CBX3: variants seen among roughly 807,000 people sequenced by gnomAD.
CBX3 encodes chromobox 3.
Under a neutral mutation model 22.6 loss-of-function variants are expected in CBX3, and 5 were observed. The observed-to-expected ratio is 0.22, with a 90% CI of 0.12 to 0.47. CBX3 has a LOEUF of 0.47. CBX3 is among the 20% of genes least tolerant of loss of function. The probability of loss-of-function intolerance (pLI) is 0.99; values close to 1 mark genes in which losing one functional copy is unlikely to be tolerated. For synonymous variants in CBX3, 50 were observed against 66.6 expected (o/e 0.75, Z 1.21); for missense variants, 83 against 208.1 (o/e 0.40, Z 3.70).
chr7:26,204,783 G>A (rs560476367), intron 2 of CBX3, among the ~76,000 whole-genome samples: 3 of 151,770 alleles, frequency 2.0e-5, no homozygotes, highest in Non-Finnish European at 4.4e-5. Context: ...ATAGTATTTG[G>A]GTTTTTTGTT....
In CBX3 at chr7:26,202,896, A is replaced by G. The variant is rs1373479464; in HGVS notation, c.-28-75A>G. ...GTGCGCTCTCTACTTGGGGGTTGGAATCCAAACAGAATTTGTATTTAGTTA... is the reference window on the plus strand; with the variant it reads ...GTGCGCTCTCTACTTGGGGGTTGGAGTCCAAACAGAATTTGTATTTAGTTA... On this transcript the variant is annotated intron_variant, in intron 1 of 5. Coordinates refer to ENST00000396386, the MANE Select transcript of CBX3 (RefSeq NM_016587.4). 3 of 915,570 alleles carry G rather than the reference A, an allele frequency of 3.3e-6. No individual in the cohort carries two copies. The African/African-American group carries it at 5.0e-5, about 15-fold the overall frequency. The allele number at this position is 915,570 out of a possible 1,614,324, so 56.7% of individuals were successfully genotyped here. A position where few individuals can be genotyped will look rare whatever the true frequency, so the allele number is the denominator to read the frequency against.
chr7:26,208,630 GT>G lies in CBX3; in HGVS notation c.330+82del, dbSNP rs532647271. 3.3e-4 allele frequency: 462 copies of G among 1,400,110 alleles called. 1 individual carries two copies. The African/African-American group carries it at 5.8e-3, about 18-fold the overall frequency. 86.7% of individuals were successfully genotyped at this position (1,400,110 alleles called of 1,614,324 possible). A position where few individuals can be genotyped will look rare whatever the true frequency, so the allele number is the denominator to read the frequency against. On this transcript the variant is annotated intron_variant, in intron 4 of 5. Coordinates refer to ENST00000396386, the MANE Select transcript of CBX3 (RefSeq NM_016587.4). The stretch of plus-strand genomic sequence containing the variant: ...GGCTTGATTTCTTTTTTGTTTGTTT[GT>G]TTTTTTGAGATGGAGTCTTGCTCTT...
chr7:26,207,867 C>T (rs946415958), intron 3 of CBX3, among the ~76,000 whole-genome samples: 28 of 151,776 alleles, frequency 1.8e-4, no homozygotes, highest in African/African-American at 6.0e-4. Context: ...CTTTTATTGT[C>T]CTCTACCCAG....
In CBX3 at chr7:26,203,153, G is replaced by A. The variant is rs1029276007; in HGVS notation, c.24+131G>A. ...CCCAGCTCTCCCAGTGTAAATTACA[G>A]GGGAAAATTAAGAGAAAAACGAATT... On this transcript the variant is annotated intron_variant, in intron 2 of 5. Coordinates refer to ENST00000396386, the MANE Select transcript of CBX3 (RefSeq NM_016587.4). 33 of 703,722 alleles carry A rather than the reference G, an allele frequency of 4.7e-5. No individual in the cohort carries two copies. The African/African-American group carries it at 5.4e-4, about 12-fold the overall frequency. The allele number at this position is 703,722 out of a possible 1,614,324, so 43.6% of individuals were successfully genotyped here. A position where few individuals can be genotyped will look rare whatever the true frequency, so the allele number is the denominator to read the frequency against.
chr7:26,206,261 A>G, intron 2 of CBX3, 107 bp from the exon 3 acceptor site: 1 of 688,768 alleles, frequency 1.5e-6, no homozygotes, highest in Non-Finnish European at 2.4e-6. Flanking sequence ...GGGATATAGA[A>G]GTAAAAATTT....
intron 4 of CBX3, among the ~76,000 whole-genome samples, chr7:26,211,100 C>G (rs981245243): frequency 1.4e-5 from 2 of 145,670 alleles, no homozygotes; most frequent in African/African-American, 2.6e-5. Context: ...AAAAAAAAAT[C>G]GCAAGAAAGT....
intron 2 of CBX3, 171 bp from the exon 3 acceptor site, chr7:26,206,197 T>G: frequency 1.8e-6 from 1 of 555,824 alleles, no homozygotes; most frequent in Non-Finnish European, 3.2e-6. Flanking sequence ...AGATAAAGCA[T>G]TCTTTTATTT....
At chr7:26,206,195 C>T (rs1032424387) in intron 2 of CBX3, 173 bp from the exon 3 acceptor site, 15 of 550,710 alleles carry the variant, frequency 2.7e-5, no homozygotes, top group African/African-American at 5.7e-5. Context: ...CAAGATAAAG[C>T]ATTCTTTTAT....
chr7:26,204,476 A>G (rs1784630412), intron 2 of CBX3, among the ~76,000 whole-genome samples: 1 of 152,228 alleles, frequency 6.6e-6, no homozygotes, highest in African/African-American at 2.4e-5. Context: ...ACTAATGAGA[A>G]TCATAACACC....
intron 5 of CBX3, 84 bp downstream of exon 5, chr7:26,211,840 G>A (rs1234956928): frequency 1.9e-6 from 2 of 1,047,390 alleles, no homozygotes; most frequent in South Asian, 1.6e-5. Flanking sequence ...TCATTAGGTA[G>A]GGAAAAACTA....
intron 2 of CBX3, among the ~76,000 whole-genome samples, chr7:26,203,281 T>C (rs528559019): frequency 9.2e-5 from 14 of 152,324 alleles, no homozygotes; most frequent in Non-Finnish European, 2.1e-4. Flanking sequence ...AGGATTTTTA[T>C]CTTCAAATAG....
intron 4 of CBX3, among the ~76,000 whole-genome samples, chr7:26,211,018 T>C (rs779470445): frequency 6.7e-6 from 1 of 149,846 alleles, no homozygotes; most frequent in African/African-American, 2.5e-5. Flanking sequence ...TGGGCCACAT[T>C]AGGAGAATTG....
chr7:26,207,241 A>G (rs116947159), intron 3 of CBX3, among the ~76,000 whole-genome samples: 1,566 of 152,232 alleles, frequency 0.01, 15 homozygotes, highest in Non-Finnish European at 0.013. Flanking sequence ...GTTATCTCCT[A>G]CTTCCCCTGC....
intron 3 of CBX3, 130 bp from the exon 4 acceptor site, chr7:26,208,263 G>A (rs1001442328): frequency 3.3e-5 from 21 of 632,358 alleles, no homozygotes; most frequent in Non-Finnish European, 5.1e-5. Context: ...TAGGGAAGGA[G>A]GAAATGATTA....
At chr7:26,208,366 T>C (rs753307021) in intron 3 of CBX3, 27 bp from the exon 4 acceptor site, 1 of 1,384,450 alleles carries the variant, frequency 7.2e-7, no homozygotes, top group Admixed American at 2.3e-5. Context: ...TCAATCACCT[T>C]TTTTTTTTTT....
Position 26,213,017 on chromosome 7 carries a change from A to C in CBX3, c.*809A>C, listed in dbSNP as rs1207082962. 6.6e-6 allele frequency: 1 copy of C among 152,298 alleles called. No individual in the cohort carries two copies. Among genetic ancestry groups the C allele is most frequent in the Non-Finnish European group, 1.5e-5 (1 of 68,054 alleles). The allele number at this position is 152,298 out of a possible 1,614,324, so 9.4% of individuals were successfully genotyped here. On this transcript the variant is annotated 3_prime_UTR_variant, in exon 6 of 6. Transcript: ENST00000396386. Reference sequence around the variant, plus strand: ...GGGCCATTCCTTAGCAAAATGTTGGAATCCCTGTTGCTACATTGACTAAAA... The same window carrying C: ...GGGCCATTCCTTAGCAAAATGTTGGCATCCCTGTTGCTACATTGACTAAAA...
intron 2 of CBX3, among the ~76,000 whole-genome samples, chr7:26,205,689 C>T (rs1052670692): frequency 4.6e-5 from 7 of 152,206 alleles, no homozygotes; most frequent in African/African-American, 9.7e-5. Flanking sequence ...CACCTAAGAC[C>T]TGTCACTACT....
At chr7:26,204,111 A>G (rs967438989) in intron 2 of CBX3, among the ~76,000 whole-genome samples, 2 of 152,194 alleles carry the variant, frequency 1.3e-5, no homozygotes, top group Non-Finnish European at 2.9e-5. Context: ...TGACTCATCC[A>G]CTTTTGGAAA....
Position 26,208,917 on chromosome 7 carries a change from C to CTTTT in CBX3, c.330+393_330+396dup, listed in dbSNP as rs59657982. 8.1e-3 allele frequency among the ~76,000 whole-genome samples: 227 copies of CTTTT among 27,956 alleles called. 79 individuals carry two copies. The highest frequency in any genetic ancestry group is 0.028 in the East Asian group (13 of 458). 18.3% of individuals were successfully genotyped at this position (27,956 alleles called of 152,430 possible). On this transcript the variant is annotated intron_variant, in intron 4 of 5. Coordinates refer to ENST00000396386, the MANE Select transcript of CBX3 (RefSeq NM_016587.4). ...GTAGGCATGAGCCACCACGCCTGGC[C>CTTTT]TTTTTTTTTTTTTTTTTTTTTTTTT...
Sources: gnomAD v4.1 joint callset for allele counts (sites outside exome capture counted in the v4.1 genomes callset) on GRCh38, gnomAD v4.1.1 for gene constraint, MANE v1.5 for transcripts, NCBI Gene and HGNC (gene_info 2026-07-23, HGNC 2026-07-21) for gene names.